ZNF10: variants seen among roughly 807,000 people sequenced by gnomAD.
ZNF10 encodes the protein zinc finger protein 10 (KOX 1).
A neutral mutation model predicts 12.2 loss-of-function variants in ZNF10; 8 were observed. The ratio of observed to expected loss-of-function variants is 0.66; its 90% CI spans 0.39 to 1.18. The LOEUF (loss-of-function observed/expected upper bound fraction) is 1.18. ZNF10 is among the 50% of genes most tolerant of loss of function. The pLI is 0.01. For synonymous variants in ZNF10, 229 were observed against 228.2 expected (o/e 1.00, Z -0.03); for missense variants, 603 against 678.9 (o/e 0.89, Z 1.24).
In ZNF10 at chr12:133,156,450, G is replaced by A. The variant is rs758164312; in HGVS notation, c.1204G>A (p.Val402Met). The change falls in exon 5 of 5, where the codon GTG (valine) becomes ATG (methionine). Residue 402 changes from valine to methionine, a missense_variant. Val to Met is a conservative substitution (Grantham distance 21, BLOSUM62 1). Coordinates refer to ENST00000248211, the MANE Select transcript of ZNF10 (RefSeq NM_015394.5). ...TCTGCATCAGAGAACCCATGTGAGA[G>A]TGAGGCCCTATGAATGCAATGAATG... ...LILHQRTHVR[V>M]RPYECNECGK... The A allele has an allele frequency of 3.1e-5, 50 of 1,613,436 alleles. No individual in the cohort carries two copies. Among genetic ancestry groups the A allele is most frequent in the Non-Finnish European group, 3.6e-5 (43 of 1,179,750 alleles).
In ZNF10 at chr12:133,156,500, T is replaced by A; in HGVS notation, c.1254T>A (p.Ser418=). ...GTGGAAAGTCTTACAGCCAGAGATC[T>A]CACCTTGTTGTGCATCATAGAATTC... ...NECGKSYSQR[S]HLVVHHRIHT... Residue 418 remains serine (S), a synonymous_variant, in exon 5 of 5, where the codon TCT becomes TCA. Coordinates refer to ENST00000248211, the MANE Select transcript of ZNF10 (RefSeq NM_015394.5). 6.2e-7 allele frequency: 1 copy of A among 1,614,098 alleles called. No homozygotes were observed. The highest frequency in any genetic ancestry group is 2.2e-5 in the East Asian group (1 of 44,882).
intron 1 of ZNF10, among the ~76,000 whole-genome samples, chr12:133,137,034 G>T (rs1326883422): frequency 6.6e-6 from 1 of 152,062 alleles, no homozygotes; most frequent in African/African-American, 2.4e-5. Context: ...TTCTGATATT[G>T]TTCTCCATTT....
intron 2 of ZNF10, among the ~76,000 whole-genome samples, chr12:133,145,563 AC>A: frequency 6.6e-6 from 1 of 152,160 alleles, no homozygotes; most frequent in Non-Finnish European, 1.5e-5. Flanking sequence ...TAATCCCAGC[AC>A]TTTGGGAGGC....
chr12:133,152,676 A>G (rs963084598), intron 4 of ZNF10, among the ~76,000 whole-genome samples: 1 of 152,240 alleles, frequency 6.6e-6, no homozygotes, highest in East Asian at 1.9e-4. Context: ...TCGGCCTTCC[A>G]AAGTGCTGGG....
intron 1 of ZNF10, among the ~76,000 whole-genome samples, chr12:133,133,072 T>C (rs1955889911): frequency 6.6e-6 from 1 of 152,248 alleles, no homozygotes; most frequent in Non-Finnish European, 1.5e-5. Flanking sequence ...GATTTTTCTT[T>C]AGATGTAAAA....
At position 133,144,543 on chromosome 12, in the gene ZNF10, C is replaced by G. The variant is rs1316157936; in HGVS notation, c.33+18C>G. On this transcript the variant is annotated intron_variant, in intron 2 of 4. Coordinates refer to ENST00000248211, the MANE Select transcript of ZNF10 (RefSeq NM_015394.5). ...GGTCCCGGGTAAGCTGGGCTTTCTT[C>G]CCAGTTTCCAACTGGGAATTCCTTT... 1 of 1,612,880 alleles carries G rather than the reference C, an allele frequency of 6.2e-7. No homozygotes were observed. Among genetic ancestry groups the G allele is most frequent in the Non-Finnish European group, 8.5e-7 (1 of 1,179,240 alleles).
chr12:133,140,671 TA>T (rs1267266852), intron 1 of ZNF10, among the ~76,000 whole-genome samples: 1 of 152,214 alleles, frequency 6.6e-6, no homozygotes, highest in Non-Finnish European at 1.5e-5. Context: ...CATTGCATTT[TA>T]AATTTATTTT....
chr12:133,148,784 C>G (rs1425198566), intron 2 of ZNF10, among the ~76,000 whole-genome samples: 2 of 118,022 alleles, frequency 1.7e-5, no homozygotes, highest in African/African-American at 6.4e-5. Context: ...TGGAGTTTTG[C>G]TCTCGTTGCC....
chr12:133,144,635 G>A lies in ZNF10; in HGVS notation c.33+110G>A, dbSNP rs561949980. ...TTCTTCTCCAGCAGACTAGAATTAG[G>A]TTTTTGTTTTGTTTCCAGGTGAGTT... is the stretch of plus-strand genomic sequence containing the variant. On this transcript the variant is annotated intron_variant, in intron 2 of 4. Coordinates refer to ENST00000248211, the MANE Select transcript of ZNF10 (RefSeq NM_015394.5). 109 of 1,180,944 alleles carry A rather than the reference G, an allele frequency of 9.2e-5. 3 individuals carry two copies. The South Asian group carries it at 1.4e-3, about 16-fold the overall frequency. The allele number at this position is 1,180,944 out of a possible 1,614,324, so 73.2% of individuals were successfully genotyped here.
Position 133,156,359 on chromosome 12 carries a change from T to A in ZNF10, c.1113T>A (p.His371Gln). 1 of 1,614,086 alleles carries A rather than the reference T, an allele frequency of 6.2e-7. No homozygotes were observed. Among genetic ancestry groups the A allele is most frequent in the Non-Finnish European group, 8.5e-7 (1 of 1,180,018 alleles). ...SSRLIRHQRT[H>Q]TGEKPYECPE... The stretch of plus-strand genomic sequence containing the variant: ...GGCTTATTAGACACCAGAGGACACA[T>A]ACTGGAGAGAAACCCTATGAATGTC... The change falls in exon 5 of 5, where the codon CAT becomes CAA. Residue 371 changes from histidine (H) to glutamine (Q), a missense_variant. Coordinates refer to ENST00000248211, the MANE Select transcript of ZNF10 (RefSeq NM_015394.5).
rs1593835290 is a variant in ZNF10, at chr12:133,130,727, C to T, written c.-87C>T. The stretch of plus-strand genomic sequence containing the variant: ...CCTTTGTGACGGGATCGCTTTCTCC[C>T]ATCGAACCTTCTAGTTGCTTATTGC... On this transcript the variant is annotated 5_prime_UTR_variant, in exon 1 of 5. Coordinates refer to ENST00000248211, the MANE Select transcript of ZNF10 (RefSeq NM_015394.5). 1 of 152,496 alleles carries T rather than the reference C, an allele frequency of 6.6e-6. No homozygotes were observed. Among genetic ancestry groups the T allele is most frequent in the Admixed American group, 6.5e-5 (1 of 15,296 alleles). 9.4% of individuals were successfully genotyped at this position (152,496 alleles called of 1,614,324 possible).
At chr12:133,139,149 G>A (rs930054658) in intron 1 of ZNF10, 3 of 152,240 alleles carry the variant, frequency 2.0e-5, no homozygotes, top group African/African-American at 7.2e-5. Context: ...AGCTAATTGT[G>A]GATCTCTCTT....
At chr12:133,143,795 C>T (rs1001020478) in intron 1 of ZNF10, 1 of 152,230 alleles carries the variant, frequency 6.6e-6, no homozygotes, top group Non-Finnish European at 1.5e-5. Context: ...GGGTTTTCTG[C>T]TCAGGATGTC....
rs1232590336 is a variant in ZNF10 at position 133,156,129 on chromosome 12, T to A, written c.883T>A (p.Cys295Ser). 1 of 1,613,320 alleles carries A rather than the reference T, an allele frequency of 6.2e-7. No homozygotes were observed. The highest frequency in any genetic ancestry group is 8.5e-7 in the Non-Finnish European group (1 of 1,180,026). Residue 295 changes from cysteine to serine, a missense_variant, in exon 5 of 5, where the codon TGT becomes AGT. Coordinates refer to ENST00000248211, the MANE Select transcript of ZNF10 (RefSeq NM_015394.5). Reference sequence around the variant, plus strand: ...TCATACTGGAGAAAAACCCTATGAGTGTAAAGAATGTGGAAAGTCTTTCAG... The same window carrying A: ...TCATACTGGAGAAAAACCCTATGAGAGTAAAGAATGTGGAAAGTCTTTCAG... ...LIHTGEKPYE[C>S]KECGKSFSRS...
intron 1 of ZNF10, among the ~76,000 whole-genome samples, chr12:133,132,000 A>G (rs1214464708): frequency 6.6e-6 from 1 of 152,230 alleles, no homozygotes; most frequent in Non-Finnish European, 1.5e-5. Flanking sequence ...AAGAGATTCA[A>G]TTACTATCAA....
chr12:133,136,603 A>G (rs146130193), intron 1 of ZNF10, among the ~76,000 whole-genome samples: 132 of 151,666 alleles, frequency 8.7e-4, no homozygotes, highest in African/African-American at 3.1e-3. Context: ...GGTTGGTTTT[A>G]TGCCAAGGTT....
chr12:133,151,758 C>G (rs749566276), intron 3 of ZNF10, 51 bp from the exon 4 acceptor site: 1 of 1,495,954 alleles, frequency 6.7e-7, no homozygotes, highest in Admixed American at 1.7e-5. Flanking sequence ...TCGTGCCTAC[C>G]TCAGAGCTCC....
chr12:133,151,702 C>G, intron 3 of ZNF10, 107 bp from the exon 4 acceptor site: 1 of 693,094 alleles, frequency 1.4e-6, no homozygotes, highest in Non-Finnish European at 2.5e-6. Context: ...GAGTCCCTGC[C>G]AGTCCTGCAG....
At chr12:133,152,232 C>T (rs1025086143) in intron 4 of ZNF10, among the ~76,000 whole-genome samples, 20 of 152,196 alleles carry the variant, frequency 1.3e-4, no homozygotes, top group African/African-American at 4.8e-4. Context: ...CATGTGACCC[C>T]TTCCCACAAC....
Sources: gnomAD v4.1 joint callset for allele counts (sites outside exome capture counted in the v4.1 genomes callset) on GRCh38, gnomAD v4.1.1 for gene constraint, MANE v1.5 for transcripts, NCBI Gene and HGNC (gene_info 2026-07-23, HGNC 2026-07-21) for gene names.